The following KLF8 variants were observed in gnomAD, a reference collection of about 807,000 sequenced individuals.
The protein encoded by KLF8 is KLF transcription factor 8.
A neutral mutation model predicts 18.2 loss-of-function variants in KLF8; 10 were observed. The observed-to-expected ratio is 0.55, with a 90% CI of 0.34 to 0.93. The LOEUF (loss-of-function observed/expected upper bound fraction) is 0.93. Among genes scored for constraint, KLF8 ranks in the 40% least tolerant of loss-of-function variants. The probability of loss-of-function intolerance (pLI) is 0.02; values close to 1 mark genes in which losing one functional copy is unlikely to be tolerated. For synonymous variants in KLF8, 109 were observed against 97.3 expected (o/e 1.12, Z -0.71); for missense variants, 264 against 277.9 (o/e 0.95, Z 0.36).
the KLF8 span, among the ~76,000 whole-genome samples, chrX:56,111,906 T>C: frequency 4.7e-4 from 53 of 112,091 alleles, no homozygotes; most frequent in Non-Finnish European, 1.1e-4. Context: ...AGTTCAATTA[T>C]TGTGGAAGAC....
chrX:56,234,541 C>T (rs1266437054), intron 1 of KLF8, among the ~76,000 whole-genome samples: 1 of 112,267 alleles, frequency 8.9e-6, no homozygotes, highest in Non-Finnish European at 1.9e-5. Flanking sequence ...TGTGGTAAAA[C>T]GAAACTTAGG....
the KLF8 span, among the ~76,000 whole-genome samples, chrX:56,168,005 T>C: frequency 8.9e-6 from 1 of 112,086 alleles, no homozygotes; most frequent in African/African-American, 3.2e-5. Context: ...CCACATATTT[T>C]TCCACCAGTG....
At chrX:55,995,251 C>T in the KLF8 span, among the ~76,000 whole-genome samples, 2 of 112,475 alleles carry the variant, frequency 1.8e-5, no homozygotes, top group Non-Finnish European at 3.8e-5. Context: ...AGATCTTCCT[C>T]ATTCACTTTA....
chrX:56,218,199 A>C, the KLF8 span, among the ~76,000 whole-genome samples: 6 of 110,702 alleles, frequency 5.4e-5, no homozygotes, highest in South Asian at 2.3e-3. Context: ...TTATTTTAGA[A>C]CTCTATAAAT....
chrX:56,005,496 G>A, the KLF8 span, among the ~76,000 whole-genome samples: 1 of 111,808 alleles, frequency 8.9e-6, no homozygotes, highest in African/African-American at 3.3e-5. Context: ...TGGTCTCCAT[G>A]TGCATGATTG....
chrX:55,932,987 C>T, the KLF8 span, among the ~76,000 whole-genome samples: 1 of 111,591 alleles, frequency 9.0e-6, no homozygotes, highest in Admixed American at 9.6e-5. Flanking sequence ...ATAGCACACT[C>T]TTTTAAAATT....
the KLF8 span, among the ~76,000 whole-genome samples, chrX:56,080,497 A>G: frequency 9.0e-6 from 1 of 111,544 alleles, no homozygotes; most frequent in Non-Finnish European, 1.9e-5. Flanking sequence ...TCTGGCTTCT[A>G]GGGTTTCTGC....
At chrX:56,029,157 C>A in the KLF8 span, among the ~76,000 whole-genome samples, 2 of 110,806 alleles carry the variant, frequency 1.8e-5, no homozygotes, top group East Asian at 2.8e-4. Context: ...TGTCCTCCAC[C>A]AATACTCGGG....
chrX:55,934,171 A>G, the KLF8 span, among the ~76,000 whole-genome samples: 1 of 111,959 alleles, frequency 8.9e-6, no homozygotes, highest in Admixed American at 9.5e-5. Flanking sequence ...TTTCGTCTGT[A>G]AATTCTTTTG....
the KLF8 span, among the ~76,000 whole-genome samples, chrX:56,110,333 A>G: frequency 9.0e-6 from 1 of 111,162 alleles, no homozygotes; most frequent in East Asian, 2.8e-4. Flanking sequence ...TCATTATTTT[A>G]CTTCCAAATT....
At chrX:55,972,969 T>G in the KLF8 span, among the ~76,000 whole-genome samples, 1 of 112,189 alleles carries the variant, frequency 8.9e-6, no homozygotes, top group Admixed American at 9.5e-5. Context: ...CCAACTGTAC[T>G]ACAAGAATAC....
At chrX:56,213,808 C>T in the KLF8 span, among the ~76,000 whole-genome samples, 10 of 111,636 alleles carry the variant, frequency 9.0e-5, no homozygotes, top group Non-Finnish European at 1.5e-4. Context: ...TTTAATGGCT[C>T]AGTGGACCCT....
At chrX:56,202,025 C>T in the KLF8 span, among the ~76,000 whole-genome samples, 1 of 111,303 alleles carries the variant, frequency 9.0e-6, no homozygotes, top group Non-Finnish European at 1.9e-5. Flanking sequence ...TCAACAACTT[C>T]TCCCTCATTG....
the KLF8 span, among the ~76,000 whole-genome samples, chrX:56,194,452 C>A: frequency 8.9e-6 from 1 of 112,181 alleles, no homozygotes; most frequent in Non-Finnish European, 1.9e-5. Context: ...GAGCCTTGCT[C>A]ACTTCTTGTG....
chrX:56,111,360 A>T, the KLF8 span, among the ~76,000 whole-genome samples: 10 of 111,695 alleles, frequency 9.0e-5, no homozygotes, highest in Non-Finnish European at 1.7e-4. Flanking sequence ...GGCCTTCTGG[A>T]TGTGTAGATT....
chrX:56,133,333 C>A, the KLF8 span, among the ~76,000 whole-genome samples: 1 of 112,235 alleles, frequency 8.9e-6, no homozygotes, highest in Non-Finnish European at 1.9e-5. Flanking sequence ...AAGTGGGTTT[C>A]ATTCCAGGGA....
At chrX:55,998,725 C>T in the KLF8 span, among the ~76,000 whole-genome samples, 1 of 111,180 alleles carries the variant, frequency 9.0e-6, no homozygotes, top group African/African-American at 3.3e-5. Flanking sequence ...CTTGCTTTTC[C>T]CCACACTGGA....
the KLF8 span, among the ~76,000 whole-genome samples, chrX:56,005,524 G>A: frequency 3.6e-5 from 4 of 111,912 alleles, no homozygotes; most frequent in African/African-American, 9.8e-5. Context: ...AATATTGGCA[G>A]CACAGGGGGT....
chrX:56,205,702 T>C, the KLF8 span, among the ~76,000 whole-genome samples: 3 of 112,099 alleles, frequency 2.7e-5, no homozygotes, highest in Non-Finnish European at 5.6e-5. Flanking sequence ...TTTTCACCTA[T>C]TTTTTCTGAA....
Sources: gnomAD v4.1 joint callset for allele counts (sites outside exome capture counted in the v4.1 genomes callset) on GRCh38, gnomAD v4.1.1 for gene constraint, MANE v1.5 for transcripts, NCBI Gene and HGNC (gene_info 2026-07-23, HGNC 2026-07-21) for gene names.